Variants in HPSE2 observed in about 807,000 individuals in gnomAD.
The protein encoded by HPSE2 is heparanase 2 (inactive).
A neutral mutation model predicts 60.5 loss-of-function variants in HPSE2; 38 were observed. The ratio of observed to expected loss-of-function variants is 0.63; its 90% confidence interval spans 0.48 to 0.82. HPSE2 has a LOEUF of 0.82. Among genes scored for constraint, HPSE2 ranks in the 40% least tolerant of loss-of-function variants. HPSE2 has a pLI of 0.00. For synonymous variants in HPSE2, 295 were observed against 293.2 expected, an observed-to-expected ratio of 1.01 and a Z score of -0.06; for missense variants, 713 against 740.4, an observed-to-expected ratio of 0.96 and a Z score of 0.43.
intron 3 of HPSE2, among the ~76,000 whole-genome samples, chr10:98,942,383 A>C (rs971139290): frequency 6.8e-5 from 10 of 147,990 alleles, no homozygotes; most frequent in Admixed American, 2.0e-4. Context: ...CAAATTTACA[A>C]GAAAAAAACA....
At chr10:98,806,705 T>G (rs2134551353) in intron 3 of HPSE2, among the ~76,000 whole-genome samples, 1 of 152,360 alleles carries the variant, frequency 6.6e-6, no homozygotes, top group African/African-American at 2.4e-5. Context: ...GTAACTAGAC[T>G]GTTATGTGAA....
At chr10:98,540,852 T>C (rs538982030) in intron 9 of HPSE2, among the ~76,000 whole-genome samples, 2 of 152,288 alleles carry the variant, frequency 1.3e-5, no homozygotes, top group East Asian at 1.9e-4. Context: ...AATTGGACTC[T>C]AGATGTAAAG....
chr10:98,673,694 A>T (rs1947563266), intron 6 of HPSE2, among the ~76,000 whole-genome samples: 1 of 152,100 alleles, frequency 6.6e-6, no homozygotes, highest in East Asian at 1.9e-4. Flanking sequence ...GAGCTGACTG[A>T]TTTCTTGTAT....
rs1954781438 is a variant in HPSE2 at position 98,936,091 on chromosome 10, T to A, written c.611-192035A>T. ...GCCCAGTCCAAACCTCCCAGTCTCC[T>A]TAGCCCTCTCAGGGGAAAACTGCCT... On this transcript the variant is annotated intron_variant, in intron 3 of 11. Transcript: ENST00000370552. 1.4e-5 allele frequency among the ~76,000 whole-genome samples: 2 copies of A among 144,536 alleles called. 1 individual carries two copies. Among genetic ancestry groups the A allele is most frequent in the Admixed American group, 1.4e-4 (2 of 14,610 alleles). The allele number at this position is 144,536 out of a possible 152,430, so 94.8% of individuals were successfully genotyped here.
chr10:99,285,022 G>A, the HPSE2 span, among the ~76,000 whole-genome samples: 1 of 152,122 alleles, frequency 6.6e-6, no homozygotes, highest in African/African-American at 2.4e-5. Flanking sequence ...ATGACAAATA[G>A]ACAATTCAAT....
At chr10:99,260,143 TGTTAAA>T in the HPSE2 span, among the ~76,000 whole-genome samples, 1 of 152,082 alleles carries the variant, frequency 6.6e-6, no homozygotes, top group African/African-American at 2.4e-5. Context: ...TCAGAAATAT[TGTTAAA>T]GTTAAAGCCC....
intron 4 of HPSE2, among the ~76,000 whole-genome samples, chr10:98,740,504 T>A (rs1342965460): frequency 1.3e-5 from 2 of 152,176 alleles, no homozygotes; most frequent in Non-Finnish European, 2.9e-5. Context: ...TTCTTTAACA[T>A]CCTAACCTTT....
chr10:98,533,086 T>C (rs1943179513), intron 9 of HPSE2, among the ~76,000 whole-genome samples: 1 of 152,196 alleles, frequency 6.6e-6, no homozygotes, highest in South Asian at 2.1e-4. Context: ...CTAAGATCCC[T>C]TCTAATGCCA....
rs186829390 is a variant in HPSE2 at position 99,028,595 on chromosome 10, C to T, written c.610+115643G>A. On this transcript the variant is annotated intron_variant, in intron 3 of 11. Coordinates refer to ENST00000370552, the MANE Select transcript of HPSE2 (RefSeq NM_021828.5). ...TATAGATTCTATGCAATCCCTATCA[C>T]AATACCAATGACATTCTTCACAGAA... 7.0e-4 allele frequency among the ~76,000 whole-genome samples: 107 copies of T among 152,146 alleles called. 1 individual carries two copies. The East Asian group carries it at 0.015, about 21-fold the overall frequency.
At position 98,549,070 on chromosome 10, in the gene HPSE2, G is replaced by T. The variant is rs147313944; in HGVS notation, c.1321-58874C>A. On this transcript the variant is annotated intron_variant, in intron 9 of 11. Transcript: ENST00000370552. The stretch of plus-strand genomic sequence containing the variant: ...AATATCCTAAAGTACTCACGTTAAG[G>T]TTCCATTCCAGCAACCTCAAAATCT... 1.6e-3 allele frequency among the ~76,000 whole-genome samples: 251 copies of T among 152,180 alleles called. 1 individual carries two copies. The highest frequency in any genetic ancestry group is 2.7e-3 in the Non-Finnish European group (183 of 67,996).
At chr10:98,573,254 A>T (rs1944549104) in intron 9 of HPSE2, among the ~76,000 whole-genome samples, 1 of 152,244 alleles carries the variant, frequency 6.6e-6, no homozygotes, top group Non-Finnish European at 1.5e-5. Flanking sequence ...ATTTACTATT[A>T]GAACTCTAGA....
At chr10:98,533,573 T>G (rs539543672) in intron 9 of HPSE2, among the ~76,000 whole-genome samples, 20 of 152,228 alleles carry the variant, frequency 1.3e-4, no homozygotes, top group Non-Finnish European at 2.1e-4. Context: ...AGGGTCTGAT[T>G]TTTTTCAGAG....
upstream of HPSE2, among the ~76,000 whole-genome samples, chr10:99,237,655 T>C (rs1849893816): frequency 6.6e-6 from 1 of 152,234 alleles, no homozygotes; most frequent in Non-Finnish European, 1.5e-5. Flanking sequence ...AGTGAAGTAT[T>C]GGATGTTGGC....
intron 3 of HPSE2, among the ~76,000 whole-genome samples, chr10:98,846,258 C>T (rs7097508): frequency 2.0e-5 from 3 of 151,982 alleles, no homozygotes; most frequent in African/African-American, 7.3e-5. Context: ...CTATGTCATG[C>T]CCTGCCTGCC....
chr10:99,046,114 T>A (rs939514207), intron 3 of HPSE2, among the ~76,000 whole-genome samples: 1 of 152,114 alleles, frequency 6.6e-6, no homozygotes, highest in African/African-American at 2.4e-5. Flanking sequence ...CAGCAGCACA[T>A]TAAAAAGTCA....
chr10:98,729,622 A>G (rs1380130742), intron 4 of HPSE2, among the ~76,000 whole-genome samples: 1 of 151,990 alleles, frequency 6.6e-6, no homozygotes, highest in Non-Finnish European at 1.5e-5. Flanking sequence ...AAATAAATAA[A>G]TAAATAAATT....
intron 3 of HPSE2, among the ~76,000 whole-genome samples, chr10:98,996,667 AC>A (rs1339293531): frequency 6.6e-6 from 1 of 152,342 alleles, no homozygotes; most frequent in East Asian, 1.9e-4. Flanking sequence ...ATTTAATGGA[AC>A]AGTACTCAGC....
At chr10:98,573,282 TGGAAC>T (rs1944550263) in intron 9 of HPSE2, among the ~76,000 whole-genome samples, 1 of 152,208 alleles carries the variant, frequency 6.6e-6, no homozygotes, top group Admixed American at 6.5e-5. Context: ...AAACAAAATC[TGGAAC>T]TCACTTCTAT....
At chr10:99,035,992 C>G (rs1957600894) in intron 3 of HPSE2, among the ~76,000 whole-genome samples, 1 of 152,142 alleles carries the variant, frequency 6.6e-6, no homozygotes, top group African/African-American at 2.4e-5. Flanking sequence ...CAGAAGATTA[C>G]TTGAAGCCAG....
Sources: allele counts gnomAD v4.1 joint callset (sites outside exome capture counted in the v4.1 genomes callset), GRCh38; gene constraint gnomAD v4.1.1; transcripts MANE v1.5; gene names NCBI Gene and HGNC (gene_info 2026-07-23, HGNC 2026-07-21).